RPA2: variants seen among roughly 807,000 people sequenced by gnomAD.
The protein encoded by RPA2 is replication protein A2.
In RPA2, 22 loss-of-function variants were observed where a neutral mutation model predicts 33.4. That is an observed-to-expected ratio of 0.66 (90% CI 0.47 to 0.94). The LOEUF (loss-of-function observed/expected upper bound fraction) is 0.94, where lower values mean the gene tolerates loss of function less well. RPA2 is among the 40% of genes least tolerant of loss of function. The pLI is 0.00. For synonymous variants in RPA2, 109 were observed against 114.9 expected, an observed-to-expected ratio of 0.95 and a Z score of 0.33; for missense variants, 279 against 329.9, an observed-to-expected ratio of 0.85 and a Z score of 1.19.
chr1:27,914,634 A>G (rs544676288), upstream of RPA2: 413 of 1,613,898 alleles, frequency 2.6e-4, 4 homozygotes, highest in South Asian at 3.7e-3. Context: ...CACGGATGCT[A>G]CGCTTGTTCC....
chr1:27,910,751 T>C (rs188959452), intron 2 of RPA2, among the ~76,000 whole-genome samples: 2 of 152,256 alleles, frequency 1.3e-5, no homozygotes, highest in African/African-American at 2.4e-5. Context: ...TCCTAGCTAC[T>C]TGGGAGGCTG....
chr1:27,913,961 G>A, intron 2 of RPA2, 102 bp downstream of exon 2: 1 of 1,079,204 alleles, frequency 9.3e-7, no homozygotes, highest in Non-Finnish European at 1.3e-6. Context: ...TATCGCATCA[G>A]TTCACGTTGA....
rs1335728030 is a variant in RPA2, at chr1:27,894,293, G to A, written c.630C>T (p.Asn210=). 3.1e-6 allele frequency: 5 copies of A among 1,613,156 alleles called. No homozygotes were observed. The highest frequency in any genetic ancestry group is 1.7e-5 in the Admixed American group (1 of 59,858). Residue 210 remains asparagine (N), a synonymous_variant, in exon 7 of 9, where the codon AAC becomes AAT. Transcript: ENST00000373912. The part of the protein sequence containing the change: ...MPANGLTVAQ[N]QVLNLIKACP... ...AAGCCACTCTGGTGGAGGTTACCTG[G>A]TTTTGGGCCACAGTGAGGCCATTTG...
chr1:27,907,457 C>T (rs556399818), intron 2 of RPA2, among the ~76,000 whole-genome samples, 175 bp from the exon 3 acceptor site: 1 of 152,218 alleles, frequency 6.6e-6, no homozygotes, highest in Non-Finnish European at 1.5e-5. Flanking sequence ...CAATACCACA[C>T]TTTTAGAATC....
At chr1:27,900,711 C>T (rs1021274357) in intron 4 of RPA2, among the ~76,000 whole-genome samples, 1 of 152,076 alleles carries the variant, frequency 6.6e-6, no homozygotes, top group Non-Finnish European at 1.5e-5. Context: ...GTTACCCAGG[C>T]TGGAGGGCAG....
At chr1:27,899,871 A>G (rs1032881690) in intron 4 of RPA2, among the ~76,000 whole-genome samples, 3 of 151,746 alleles carry the variant, frequency 2.0e-5, no homozygotes, top group African/African-American at 7.3e-5. Flanking sequence ...TAGTAGAGAC[A>G]AGGTTTCACC....
rs183551214 is a variant in RPA2, at chr1:27,913,976, T to C, written c.117+87A>G. ...TATCGCATCAGTTCACGTTGAAATC[T>C]TCCTTCAAAGCATAAAGTTTCTGTC... On this transcript the variant is annotated intron_variant, in intron 2 of 8. Transcript: ENST00000373912. 11,418 of 1,233,146 alleles carry C rather than the reference T, an allele frequency of 9.3e-3. 63 individuals carry two copies. Among genetic ancestry groups the C allele is most frequent in the Middle Eastern group, 0.012 (60 of 4,966 alleles). 76.4% of individuals were successfully genotyped at this position (1,233,146 alleles called of 1,614,324 possible). A position where few individuals can be genotyped will look rare whatever the true frequency, so the allele number is the denominator to read the frequency against.
chr1:27,914,528 G>C lies in RPA2; in HGVS notation c.-85C>G, dbSNP rs537855498. 5 of 1,605,882 alleles carry C rather than the reference G, an allele frequency of 3.1e-6. 1 individual carries two copies. The Admixed American group carries it at 5.1e-5, about 16-fold the overall frequency. ...AACCACAGAACGCGGCCGCCACTGCGCCGCTCTGGCTACTTTTCTCTGGCA... is the reference window on the plus strand; with the variant it reads ...AACCACAGAACGCGGCCGCCACTGCCCCGCTCTGGCTACTTTTCTCTGGCA... On this transcript the variant is annotated 5_prime_UTR_variant, in exon 1 of 9. Coordinates refer to ENST00000373912, the MANE Select transcript of RPA2 (RefSeq NM_002946.5).
At chr1:27,903,677 C>T (rs2089993968) in intron 4 of RPA2, among the ~76,000 whole-genome samples, 1 of 150,130 alleles carries the variant, frequency 6.7e-6, no homozygotes, top group African/African-American at 2.5e-5. Flanking sequence ...CAAGATTGCA[C>T]CAATGCACTC....
chr1:27,892,795 C>T (rs181482509), intron 8 of RPA2, among the ~76,000 whole-genome samples: 2 of 152,154 alleles, frequency 1.3e-5, no homozygotes, highest in South Asian at 2.1e-4. Flanking sequence ...CTCATCAGCA[C>T]GCAACTCTGA....
chr1:27,893,362 G>C (rs6662916), intron 8 of RPA2, among the ~76,000 whole-genome samples: 2 of 151,908 alleles, frequency 1.3e-5, no homozygotes, highest in Non-Finnish European at 2.9e-5. Context: ...ATGGAGTGCA[G>C]TGGCACAATG....
intron 4 of RPA2, among the ~76,000 whole-genome samples, chr1:27,905,900 T>C (rs1425306624): frequency 6.6e-6 from 1 of 152,366 alleles, no homozygotes; most frequent in South Asian, 2.1e-4. Flanking sequence ...GTGCTGGGAT[T>C]ACAGGCGTGA....
At chr1:27,903,295 G>C (rs1430045011) in intron 4 of RPA2, among the ~76,000 whole-genome samples, 12 of 122,848 alleles carry the variant, frequency 9.8e-5, no homozygotes, top group Admixed American at 9.3e-4. Context: ...GTATATAATA[G>C]CAAACGACTG....
chr1:27,903,574 T>C (rs916692549), intron 4 of RPA2, among the ~76,000 whole-genome samples: 1 of 151,142 alleles, frequency 6.6e-6, no homozygotes, highest in Admixed American at 6.6e-5. Context: ...CAAAAATCAG[T>C]TGGGTGTGGT....
intron 4 of RPA2, among the ~76,000 whole-genome samples, chr1:27,905,768 C>T (rs2090019050): frequency 6.6e-6 from 1 of 151,996 alleles, no homozygotes; most frequent in African/African-American, 2.4e-5. Flanking sequence ...GCTGGGACTA[C>T]AGGCGCCTGC....
rs568154487 is a variant in RPA2 at position 27,896,910 on chromosome 1, G to A, written c.525+95C>T. ...ACTTAGTGATGTCTTTCTCTGGCTC[G>A]GCCTTCAAAATATCAAGGAAATCAA... On this transcript the variant is annotated intron_variant, in intron 6 of 8. Coordinates refer to ENST00000373912, the MANE Select transcript of RPA2 (RefSeq NM_002946.5). The A allele has an allele frequency of 5.3e-5, 43 of 805,796 alleles. No homozygotes were observed. In the East Asian group the frequency reaches 5.6e-4, roughly 11 times the overall value. 49.9% of individuals were successfully genotyped at this position (805,796 alleles called of 1,614,324 possible). A position where few individuals can be genotyped will look rare whatever the true frequency, so the allele number is the denominator to read the frequency against.
rs368933045 is a variant in RPA2 at position 27,906,906 on chromosome 1, T to C, written c.333+22A>G. The C allele has an allele frequency of 4.5e-6, 7 of 1,542,628 alleles. No homozygotes were observed. The African/African-American group carries it at 6.8e-5, about 15-fold the overall frequency. On this transcript the variant is annotated intron_variant, in intron 4 of 8. Transcript: ENST00000373912. ...CCACAGTTCCAAAGTAACCCCATCA[T>C]GATTCAAAAACAGCCACTTACATCT...
At chr1:27,905,050 G>C (rs975311765) in intron 4 of RPA2, among the ~76,000 whole-genome samples, 1 of 151,948 alleles carries the variant, frequency 6.6e-6, no homozygotes, top group Admixed American at 6.6e-5. Context: ...AAAATAAAAG[G>C]ATAAAAAGTA....
chr1:27,900,187 C>T (rs1425199940), intron 4 of RPA2, among the ~76,000 whole-genome samples: 1 of 151,846 alleles, frequency 6.6e-6, no homozygotes, highest in Non-Finnish European at 1.5e-5. Context: ...TCTCGGCTCA[C>T]TGCAGCCTGT....
Sources: gnomAD v4.1 joint callset for allele counts (sites outside exome capture counted in the v4.1 genomes callset) on GRCh38, gnomAD v4.1.1 for gene constraint, MANE v1.5 for transcripts, NCBI Gene and HGNC (gene_info 2026-07-23, HGNC 2026-07-21) for gene names.